RIT2: variants seen among roughly 807,000 people sequenced by gnomAD.
The protein encoded by RIT2 is Ras like without CAAX 2.
RIT2 carries 24 observed loss-of-function variants against 23.7 expected under a neutral mutation model. The observed-to-expected ratio is 1.01, with a 90% CI of 0.73 to 1.43. RIT2 has a LOEUF of 1.43. Ranked by LOEUF, RIT2 falls within the 40% of genes most tolerant of loss-of-function variation. The pLI, the probability that RIT2 is intolerant of heterozygous loss-of-function variation, is 0.00. For synonymous variants in RIT2, 107 were observed against 91.1 expected, an observed-to-expected ratio of 1.17 and a Z score of -0.99; for missense variants, 236 against 266.9, an observed-to-expected ratio of 0.88 and a Z score of 0.81.
At chr18:43,095,580 T>C (rs1394316765) in intron 1 of RIT2, among the ~76,000 whole-genome samples, 1 of 151,960 alleles carries the variant, frequency 6.6e-6, no homozygotes, top group African/African-American at 2.4e-5. Context: ...GGGAGAAAAT[T>C]TATTTAAATT....
In RIT2 at chr18:42,800,827, G is replaced by A. The variant is rs565204910; in HGVS notation, c.427-57107C>T. Among the ~76,000 whole-genome samples, 5 of 152,102 alleles carry A rather than the reference G, an allele frequency of 3.3e-5. No homozygotes were observed. In the South Asian group the frequency reaches 8.3e-4, roughly 25 times the overall value. On this transcript the variant is annotated intron_variant, in intron 4 of 4. Transcript: ENST00000326695. Reference sequence around the variant, plus strand: ...ATTACAGGTGTGAGCCACCGCGTCCGGCCAGCATTCTTTCTTCTCCTCCAA... The same window carrying A: ...ATTACAGGTGTGAGCCACCGCGTCCAGCCAGCATTCTTTCTTCTCCTCCAA...
At chr18:42,958,143 T>G (rs947397663) in intron 3 of RIT2, among the ~76,000 whole-genome samples, 1 of 152,092 alleles carries the variant, frequency 6.6e-6, no homozygotes. Context: ...CAAGAAACAG[T>G]CTATAAAAAT....
chr18:43,020,784 G>T (rs1911577541), intron 2 of RIT2, among the ~76,000 whole-genome samples: 1 of 152,040 alleles, frequency 6.6e-6, no homozygotes, highest in Non-Finnish European at 1.5e-5. Context: ...TTCAATAAAT[G>T]GTGCTGGAAA....
At chr18:42,749,173 A>G (rs1367698802) in intron 4 of RIT2, among the ~76,000 whole-genome samples, 1 of 151,948 alleles carries the variant, frequency 6.6e-6, no homozygotes, top group East Asian at 1.9e-4. Flanking sequence ...AATTTAAAAA[A>G]CTCTACTAAA....
At chr18:43,037,630 C>G (rs9946568) in intron 1 of RIT2, among the ~76,000 whole-genome samples, 144,343 of 152,134 alleles carry the variant, frequency 0.95, 68,865 homozygotes, top group East Asian at 1. Flanking sequence ...TCATCAATTA[C>G]CTATTTTTTT....
chr18:42,941,547 A>C (rs1909599926), intron 3 of RIT2, among the ~76,000 whole-genome samples: 1 of 152,170 alleles, frequency 6.6e-6, no homozygotes, highest in African/African-American at 2.4e-5. Context: ...AATCCAGAAT[A>C]ATGCATGTAA....
At chr18:43,044,343 C>G (rs1016812712) in intron 1 of RIT2, among the ~76,000 whole-genome samples, 22 of 152,006 alleles carry the variant, frequency 1.4e-4, no homozygotes, top group Non-Finnish European at 2.9e-5. Flanking sequence ...TCTGTTTTCT[C>G]TAGGAATAAT....
intron 2 of RIT2, among the ~76,000 whole-genome samples, chr18:42,992,326 A>C (rs905787124): frequency 5.9e-5 from 9 of 152,098 alleles, no homozygotes; most frequent in Admixed American, 4.6e-4. Context: ...CCATCCTAGA[A>C]GATCTAAATA....
chr18:42,876,398 T>A (rs1439143805), intron 4 of RIT2, among the ~76,000 whole-genome samples: 1 of 151,566 alleles, frequency 6.6e-6, no homozygotes, highest in East Asian at 1.9e-4. Flanking sequence ...AGAAACTATG[T>A]TCATGTGGAG....
chr18:43,091,608 C>T (rs1468566312), intron 1 of RIT2, among the ~76,000 whole-genome samples: 1 of 152,040 alleles, frequency 6.6e-6, no homozygotes, highest in East Asian at 1.9e-4. Flanking sequence ...TCCTATGAGC[C>T]ACATGTGCCT....
In RIT2 at chr18:42,977,206, C is replaced by G. The variant is rs9962509; in HGVS notation, c.161-3059G>C. 5.4e-3 allele frequency among the ~76,000 whole-genome samples: 825 copies of G among 152,052 alleles called. 6 individuals carry two copies. Among genetic ancestry groups the G allele is most frequent in the African/African-American group, 0.019 (788 of 41,510 alleles). ...GTATTCATTTATGGTCTTATTCATGCCAATCTTATTCTACATATCTCAGCC... is the reference window on the plus strand; with the variant it reads ...GTATTCATTTATGGTCTTATTCATGGCAATCTTATTCTACATATCTCAGCC... On this transcript the variant is annotated intron_variant, in intron 2 of 4. Transcript: ENST00000326695.
chr18:42,931,142 C>G (rs1909315743), intron 3 of RIT2, among the ~76,000 whole-genome samples: 2 of 152,016 alleles, frequency 1.3e-5, no homozygotes, highest in Admixed American at 1.3e-4. Context: ...GGGACAGTGC[C>G]TGGATCAAAG....
chr18:42,961,731 A>G (rs776211554), intron 3 of RIT2, among the ~76,000 whole-genome samples: 1 of 152,098 alleles, frequency 6.6e-6, no homozygotes, highest in Non-Finnish European at 1.5e-5. Context: ...TTTAGGCTAC[A>G]TTTTCTATGG....
intron 4 of RIT2, among the ~76,000 whole-genome samples, chr18:42,765,345 C>G (rs1913396149): frequency 6.6e-6 from 1 of 152,170 alleles, no homozygotes. Context: ...ATTATCTTCT[C>G]TGAGACTTGT....
chr18:42,814,442 C>T (rs1489991271), intron 4 of RIT2, among the ~76,000 whole-genome samples: 7 of 152,200 alleles, frequency 4.6e-5, no homozygotes, highest in South Asian at 2.1e-4. Context: ...CTGTGACTGC[C>T]GGCTTTCCCC....
chr18:43,107,683 C>CA (rs1452977806), intron 1 of RIT2, among the ~76,000 whole-genome samples: 2 of 152,060 alleles, frequency 1.3e-5, no homozygotes, highest in Non-Finnish European at 2.9e-5. Flanking sequence ...TTGAGGCCCC[C>CA]AGGGGTCTCT....
intron 4 of RIT2, among the ~76,000 whole-genome samples, chr18:42,905,548 C>T (rs1474831886): frequency 1.3e-5 from 2 of 152,196 alleles, no homozygotes; most frequent in Admixed American, 6.6e-5. Flanking sequence ...TCTTGGCTCA[C>T]TGCAACCTCT....
chr18:43,008,605 G>A (rs558516026), intron 2 of RIT2, among the ~76,000 whole-genome samples: 23 of 150,958 alleles, frequency 1.5e-4, no homozygotes, highest in South Asian at 4.2e-4. Context: ...AAAAATAAAA[G>A]AGCTAAAGTA....
Position 42,985,392 on chromosome 18 carries a change from G to A in RIT2, c.161-11245C>T, listed in dbSNP as rs549547609. 2.3e-4 allele frequency among the ~76,000 whole-genome samples: 35 copies of A among 152,174 alleles called. 1 individual carries two copies. The South Asian group carries it at 6.6e-3, about 29-fold the overall frequency. The stretch of plus-strand genomic sequence containing the variant: ...GCATATCAAACAGATTTTGGGGTGG[G>A]AGCAGTGATGCACCAACTGATTCTA... On this transcript the variant is annotated intron_variant, in intron 2 of 4. Transcript: ENST00000326695.
Sources: allele counts gnomAD v4.1 joint callset (sites outside exome capture counted in the v4.1 genomes callset), GRCh38; gene constraint gnomAD v4.1.1; transcripts MANE v1.5; gene names NCBI Gene and HGNC (gene_info 2026-07-23, HGNC 2026-07-21).